CDH2: variants seen among roughly 807,000 people sequenced by gnomAD.
The protein encoded by CDH2 is cadherin-2.
Under a neutral mutation model 92.0 loss-of-function variants are expected in CDH2, and 17 were observed. The observed-to-expected ratio is 0.18, with a 90% CI of 0.13 to 0.28. The LOEUF (loss-of-function observed/expected upper bound fraction) is 0.28. Ranked by LOEUF, CDH2 falls within the 10% of genes least tolerant of loss-of-function variation. CDH2 has a pLI of 1.00. For synonymous variants in CDH2, 419 were observed against 415.9 expected, an observed-to-expected ratio of 1.01 and a Z score of -0.09; for missense variants, 862 against 1,133.1, an observed-to-expected ratio of 0.76 and a Z score of 3.44.
rs535555175 is a variant in CDH2, at chr18:28,168,408, A to T, written c.60+8555T>A. Among the ~76,000 whole-genome samples the T allele has an allele frequency of 2.2e-3, 332 of 152,252 alleles. 1 individual carries two copies. Among genetic ancestry groups the T allele is most frequent in the Non-Finnish European group, 3.8e-3 (259 of 67,976 alleles). ...AGTAATGCAAAGTGTTCAAATATGG[A>T]AAATGTTTGAACATTAAACATTAAA... On this transcript the variant is annotated intron_variant, in intron 1 of 15. Coordinates refer to ENST00000269141, the MANE Select transcript of CDH2 (RefSeq NM_001792.5).
At chr18:27,966,327 A>G (rs1019217583) in intron 14 of CDH2, among the ~76,000 whole-genome samples, 1 of 152,136 alleles carries the variant, frequency 6.6e-6, no homozygotes, top group East Asian at 1.9e-4. Flanking sequence ...ATTCTTTGAT[A>G]CTCCTGGATA....
intron 2 of CDH2, among the ~76,000 whole-genome samples, chr18:28,083,773 C>T (rs909899622): frequency 7.2e-5 from 11 of 152,152 alleles, no homozygotes; most frequent in Non-Finnish European, 1.3e-4. Flanking sequence ...TCATGTTTTT[C>T]TGCTGAGGCA....
At chr18:27,982,731 TG>T (rs1013321350) in intron 14 of CDH2, among the ~76,000 whole-genome samples, 10 of 151,398 alleles carry the variant, frequency 6.6e-5, no homozygotes, top group African/African-American at 9.7e-5. Flanking sequence ...TGAAACAAGG[TG>T]TTTTTTTTTT....
intron 6 of CDH2, among the ~76,000 whole-genome samples, chr18:27,938,344 C>T (rs1442384831): frequency 6.6e-6 from 1 of 152,072 alleles, no homozygotes; most frequent in African/African-American, 2.4e-5. Flanking sequence ...TACAGCATAC[C>T]TTTTGAAAAC....
intron 1 of CDH2, among the ~76,000 whole-genome samples, chr18:28,150,926 A>T (rs2016111359): frequency 6.6e-6 from 1 of 152,222 alleles, no homozygotes; most frequent in Non-Finnish European, 1.5e-5. Context: ...CTTAACTTTC[A>T]GTCAAAAAAT....
chr18:28,019,350 G>T (rs564343194), intron 2 of CDH2, among the ~76,000 whole-genome samples: 7 of 150,748 alleles, frequency 4.6e-5, no homozygotes, highest in Middle Eastern at 3.4e-3. Flanking sequence ...AGGAAGGAGG[G>T]AAGGCAGGAA....
intron 6 of CDH2, among the ~76,000 whole-genome samples, chr18:27,944,737 T>C (rs1161517819): frequency 8.3e-6 from 1 of 120,288 alleles, no homozygotes; most frequent in African/African-American, 3.3e-5. Context: ...TTTGGCAACA[T>C]AGTGAGACTT....
intron 14 of CDH2, among the ~76,000 whole-genome samples, chr18:27,975,166 C>T (rs1288990354): frequency 2.0e-5 from 3 of 152,130 alleles, no homozygotes; most frequent in Non-Finnish European, 4.4e-5. Flanking sequence ...GAGAAGAAAA[C>T]GGAGCCAATT....
intron 2 of CDH2, among the ~76,000 whole-genome samples, chr18:28,031,153 A>G (rs1244075005): frequency 6.6e-6 from 1 of 151,622 alleles, no homozygotes; most frequent in Non-Finnish European, 1.5e-5. Flanking sequence ...CAAACTACAG[A>G]GATGTGAAAG....
At chr18:27,969,885 A>C (rs1213717022) in intron 14 of CDH2, among the ~76,000 whole-genome samples, 1 of 152,170 alleles carries the variant, frequency 6.6e-6, no homozygotes, top group African/African-American at 2.4e-5. Flanking sequence ...CTGTAGTCCC[A>C]GCTACTCAGG....
chr18:28,147,818 A>C (rs1427457944), intron 1 of CDH2, 34 bp from the exon 2 acceptor site: 2 of 1,165,962 alleles, frequency 1.7e-6, no homozygotes, highest in Admixed American at 1.9e-5. Flanking sequence ...AAATGTGTGC[A>C]ATGATTGCTA....
intron 2 of CDH2, among the ~76,000 whole-genome samples, chr18:28,046,097 T>G (rs525524): frequency 0.067 from 10,214 of 152,144 alleles, 721 homozygotes; most frequent in African/African-American, 0.18. Flanking sequence ...GGGGGCTGAG[T>G]CAAGCATTCC....
At chr18:27,972,063 G>A (rs561745624) in intron 14 of CDH2, among the ~76,000 whole-genome samples, 5 of 152,122 alleles carry the variant, frequency 3.3e-5, no homozygotes, top group South Asian at 4.2e-4. Context: ...GAAAAGTGGC[G>A]GGTTTGTTCT....
chr18:28,110,211 T>C (rs2015389273), intron 2 of CDH2, among the ~76,000 whole-genome samples: 1 of 152,230 alleles, frequency 6.6e-6, no homozygotes, highest in South Asian at 2.1e-4. Flanking sequence ...CATTATCCCG[T>C]AGTTAATTCT....
In CDH2 at chr18:28,176,973, G is replaced by A. The variant is rs1219438806; in HGVS notation, c.50C>T (p.Ala17Val). Residue 17 changes from alanine to valine, a missense_variant, in exon 1 of 16, where the codon GCC (alanine) becomes GTC (valine). By Grantham distance (64) the Ala-to-Val change is moderately conservative (BLOSUM62 0). Transcript: ENST00000269141. ...ALRTLLPLLA[A>V]LLQASVEASG... ...GGGACCGCCGCGTACCTGAAGCAGG[G>A]CCGCCAGCAGCGGCAGCAGGGTCCG... The A allele has an allele frequency of 2.8e-6, 4 of 1,432,450 alleles. No homozygotes were observed. Among genetic ancestry groups the A allele is most frequent in the African/African-American group, 1.5e-5 (1 of 67,656 alleles). 88.7% of individuals were successfully genotyped at this position (1,432,450 alleles called of 1,614,324 possible).
At chr18:28,053,390 T>C (rs1289302299) in intron 2 of CDH2, among the ~76,000 whole-genome samples, 1 of 152,220 alleles carries the variant, frequency 6.6e-6, no homozygotes, top group Non-Finnish European at 1.5e-5. Context: ...CTATAATTCA[T>C]TAAGATTATC....
At chr18:28,002,246 A>G (rs771886158) in intron 7 of CDH2, among the ~76,000 whole-genome samples, 1 of 152,212 alleles carries the variant, frequency 6.6e-6, no homozygotes, top group Non-Finnish European at 1.5e-5. Flanking sequence ...CAAGGGGATC[A>G]CATGTACAAA....
intron 1 of CDH2, among the ~76,000 whole-genome samples, chr18:28,148,867 T>G (rs2016078641): frequency 6.6e-6 from 1 of 152,212 alleles, no homozygotes; most frequent in African/African-American, 2.4e-5. Flanking sequence ...ATACTAATGT[T>G]GCAAAAATCT....
rs139495122 is a variant in CDH2 at position 28,044,171 on chromosome 18, C to T, written c.173-30262G>A. ...CAAGTGATCCACCCGCCTCAGCCTC[C>T]CAGAGTGTCAGGATTACAGGCATGG... On this transcript the variant is annotated intron_variant, in intron 2 of 15. Transcript: ENST00000269141. Among the ~76,000 whole-genome samples the T allele has an allele frequency of 4.9e-3, 746 of 152,182 alleles. 9 individuals are homozygous for T. The highest frequency in any genetic ancestry group is 0.017 in the African/African-American group (686 of 41,524).
Sources: allele counts gnomAD v4.1 joint callset (sites outside exome capture counted in the v4.1 genomes callset), GRCh38; gene constraint gnomAD v4.1.1; transcripts MANE v1.5; gene names NCBI Gene and HGNC (gene_info 2026-07-23, HGNC 2026-07-21).